The following RFTN1 variants were observed in gnomAD, a reference collection of about 807,000 sequenced individuals.
The protein encoded by RFTN1 is raftlin, lipid raft linker 1, also known as raftlin.
In RFTN1, 26 loss-of-function variants were observed where a neutral mutation model predicts 46.5. The ratio of observed to expected loss-of-function variants is 0.56; its 90% CI spans 0.41 to 0.78. RFTN1 has a LOEUF of 0.78. Ranked by LOEUF, RFTN1 falls within the 30% of genes least tolerant of loss-of-function variation. The pLI, the probability that RFTN1 is intolerant of heterozygous loss-of-function variation, is 0.00. For missense variants in RFTN1, 693 were observed against 718.7 expected (o/e 0.96, Z 0.41); for synonymous variants, 261 against 284.2 (o/e 0.92, Z 0.82).
intron 4 of RFTN1, among the ~76,000 whole-genome samples, chr3:16,391,869 G>GTTTTTTTTTTT (rs576052890): frequency 1.7e-5 from 1 of 57,726 alleles, no homozygotes; most frequent in Non-Finnish European, 4.9e-5. Context: ...TTTTTTTTTT[G>GTTTTTTTTTTT]TTTTTTTTTT....
intron 2 of RFTN1, among the ~76,000 whole-genome samples, chr3:16,441,283 C>A (rs1575297054): frequency 2.2e-5 from 2 of 92,248 alleles, no homozygotes; most frequent in Non-Finnish European, 4.2e-5. Flanking sequence ...AATAAATAAA[C>A]CATTATTCCA....
Position 16,474,289 on chromosome 3 carries a change from G to A in RFTN1, c.145+19436C>T, listed in dbSNP as rs1159224108. On this transcript the variant is annotated intron_variant, in intron 2 of 9. Coordinates refer to ENST00000334133, the MANE Select transcript of RFTN1 (RefSeq NM_015150.2). The surrounding 1 kb of genome is among the most constrained non-coding windows in gnomAD (Gnocchi z 5.5). ...TCATCCGAGGTCACAGAGCAAATGA[G>A]AGAGATGGGTCTCCCAGCAAATCTG... 1.3e-5 allele frequency among the ~76,000 whole-genome samples: 2 copies of A among 152,186 alleles called. No homozygotes were observed. Among genetic ancestry groups the A allele is most frequent in the Non-Finnish European group, 2.9e-5 (2 of 68,040 alleles).
rs1036675885 is a variant in RFTN1, at chr3:16,468,757, C to T, written c.145+24968G>A. On this transcript the variant is annotated intron_variant, in intron 2 of 9. Coordinates refer to ENST00000334133, the MANE Select transcript of RFTN1 (RefSeq NM_015150.2). The surrounding 1 kb of genome is among the most constrained non-coding windows in gnomAD (Gnocchi z 4.4). ...TCAAGCTGAGCCAATTATCACCAAT[C>T]ATAAAAGATGACTTATAAGAGGCCC... is the stretch of plus-strand genomic sequence containing the variant. 2.0e-5 allele frequency among the ~76,000 whole-genome samples: 3 copies of T among 152,040 alleles called. No homozygotes were observed. Among genetic ancestry groups the T allele is most frequent in the Admixed American group, 2.0e-4 (3 of 15,272 alleles).
chr3:16,357,548 G>C (rs934923111), intron 7 of RFTN1, among the ~76,000 whole-genome samples: 2 of 152,194 alleles, frequency 1.3e-5, no homozygotes, highest in Non-Finnish European at 2.9e-5. Flanking sequence ...TCTAAGGATA[G>C]CTGCAGAGGG....
chr3:16,340,145 A>G (rs1349275772), intron 7 of RFTN1, among the ~76,000 whole-genome samples: 2 of 152,320 alleles, frequency 1.3e-5, no homozygotes, highest in South Asian at 4.1e-4. Context: ...TTTCTGTTCC[A>G]TTGCCACGCA....
intron 3 of RFTN1, among the ~76,000 whole-genome samples, chr3:16,409,851 A>AT (rs1252962163): frequency 2.0e-5 from 3 of 151,622 alleles, no homozygotes; most frequent in African/African-American, 4.8e-5. Flanking sequence ...CGCCCAGCTA[A>AT]TTTTTTTGTA....
At chr3:16,469,966 A>G (rs1198768596) in intron 2 of RFTN1, among the ~76,000 whole-genome samples, 1 of 152,204 alleles carries the variant, frequency 6.6e-6, no homozygotes, top group African/African-American at 2.4e-5. Flanking sequence ...GTGCTCAGAA[A>G]GGGTTAAGTG....
chr3:16,430,771 G>C (rs1335032935), intron 3 of RFTN1, among the ~76,000 whole-genome samples: 5 of 152,176 alleles, frequency 3.3e-5, no homozygotes, highest in African/African-American at 1.2e-4. Flanking sequence ...GGCAGTTCAG[G>C]AACTCTGGAT....
At chr3:16,403,796 T>A (rs1470604175) in intron 4 of RFTN1, among the ~76,000 whole-genome samples, 2 of 15,054 alleles carry the variant, frequency 1.3e-4, no homozygotes, top group African/African-American at 7.9e-4. Flanking sequence ...ATTTTATATA[T>A]AATATATATT....
chr3:16,458,796 T>A lies in RFTN1; in HGVS notation c.146-24759A>T, dbSNP rs2075958986. On this transcript the variant is annotated intron_variant, in intron 2 of 9. Coordinates refer to ENST00000334133, the MANE Select transcript of RFTN1 (RefSeq NM_015150.2). The surrounding 1 kb of genome is among the most constrained non-coding windows in gnomAD (Gnocchi z 5.1). ...CCTTCAGGCCATATAGCTGTTCTTT[T>A]TAAATACACATTTATAATGAATCTG... Among the ~76,000 whole-genome samples the A allele has an allele frequency of 6.6e-6, 1 of 152,232 alleles. No homozygotes were observed. Among genetic ancestry groups the A allele is most frequent in the Non-Finnish European group, 1.5e-5 (1 of 68,034 alleles).
chr3:16,319,306 T>C (rs1350271134), intron 9 of RFTN1, among the ~76,000 whole-genome samples: 3 of 152,206 alleles, frequency 2.0e-5, no homozygotes, highest in Non-Finnish European at 4.4e-5. Flanking sequence ...AAGTGGTGAT[T>C]GTTTTGGCTA....
At chr3:16,441,870 T>C (rs2075631760) in intron 2 of RFTN1, among the ~76,000 whole-genome samples, 1 of 152,198 alleles carries the variant, frequency 6.6e-6, no homozygotes, top group African/African-American at 2.4e-5. Flanking sequence ...TGCCATAACA[T>C]CAATCTGCCT....
intron 7 of RFTN1, among the ~76,000 whole-genome samples, chr3:16,343,653 G>A (rs2071456967): frequency 6.6e-6 from 1 of 152,182 alleles, no homozygotes; most frequent in African/African-American, 2.4e-5. Context: ...CATAAATTTG[G>A]TCAAAGATAT....
chr3:16,370,206 A>T lies in RFTN1; in HGVS notation c.900T>A (p.Ile300=). The T allele has an allele frequency of 6.2e-7, 1 of 1,614,184 alleles. No individual in the cohort carries two copies. The highest frequency in any genetic ancestry group is 1.1e-5 in the South Asian group (1 of 91,082). Residue 300 remains isoleucine, a synonymous_variant, in exon 6 of 10, where the codon ATT becomes ATA. Coordinates refer to ENST00000334133, the MANE Select transcript of RFTN1 (RefSeq NM_015150.2). This position sits in a 1 kb window ranked among gnomAD's most constrained non-coding sequence, Gnocchi z 5.5. ...GGCCATTCTTGGAGACATGGAGAGG[A>T]ATGGTGACAGGGTAGTATTGCCGGC... ...QKCRQYYPVT[I]PLHVSKNGQT...
intron 2 of RFTN1, among the ~76,000 whole-genome samples, chr3:16,463,025 G>C (rs141925325): frequency 2.0e-5 from 3 of 152,360 alleles, no homozygotes; most frequent in Non-Finnish European, 2.9e-5. Context: ...CATGAGGCTA[G>C]AGCCTGATCC....
At chr3:16,324,281 G>T (rs892112981) in intron 8 of RFTN1, among the ~76,000 whole-genome samples, 10 of 152,292 alleles carry the variant, frequency 6.6e-5, no homozygotes, top group African/African-American at 1.9e-4. Context: ...AGCACTTTTT[G>T]TGGTGAAAAC....
chr3:16,356,940 C>T lies in RFTN1; in HGVS notation c.1146+992G>A, dbSNP rs998985178. Among the ~76,000 whole-genome samples, 4 of 152,108 alleles carry T rather than the reference C, an allele frequency of 2.6e-5. No individual in the cohort carries two copies. The highest frequency in any genetic ancestry group is 5.9e-5 in the Non-Finnish European group (4 of 68,018). ...GACCAGCCTGGCCAACGTGGTGAAA[C>T]CCTGTCTTTACTAAAAATACAAAAA... On this transcript the variant is annotated intron_variant, in intron 7 of 9. Transcript: ENST00000334133. This position sits in a 1 kb window ranked among gnomAD's most constrained non-coding sequence, Gnocchi z 4.9.
intron 5 of RFTN1, among the ~76,000 whole-genome samples, chr3:16,373,535 A>C (rs1005544553): frequency 6.6e-6 from 1 of 152,342 alleles, no homozygotes; most frequent in Non-Finnish European, 1.5e-5. Context: ...GGACTCTGGC[A>C]CAGGATGGAA....
At chr3:16,397,139 GTA>G (rs1286601911) in intron 4 of RFTN1, among the ~76,000 whole-genome samples, 4 of 151,636 alleles carry the variant, frequency 2.6e-5, no homozygotes, top group Admixed American at 6.6e-5. Context: ...ATTGTAAGAG[GTA>G]TATGTGTGTG....
Sources: allele counts gnomAD v4.1 joint callset (sites outside exome capture counted in the v4.1 genomes callset), GRCh38; gene constraint gnomAD v4.1.1; non-coding constraint Gnocchi (gnomAD v3.1); transcripts MANE v1.5; gene names NCBI Gene and HGNC (gene_info 2026-07-23, HGNC 2026-07-21).